MAF: variants seen among roughly 807,000 people sequenced by gnomAD.
MAF encodes the protein MAF bZIP transcription factor.
A neutral mutation model predicts 22.0 loss-of-function variants in MAF; 10 were observed. That is an observed-to-expected ratio of 0.45 (90% CI 0.28 to 0.77). The LOEUF is 0.77. Among genes scored for constraint, MAF ranks in the 30% least tolerant of loss-of-function variants. The pLI, the probability that MAF is intolerant of heterozygous loss-of-function variation, is 0.12. For missense variants in MAF, 544 were observed against 548.4 expected, an observed-to-expected ratio of 0.99 and a Z score of 0.08; for synonymous variants, 337 against 255.8, an observed-to-expected ratio of 1.32 and a Z score of -3.03.
the MAF span, among the ~76,000 whole-genome samples, chr16:79,352,981 A>C: frequency 6.6e-6 from 1 of 152,228 alleles, no homozygotes; most frequent in East Asian, 1.9e-4. Flanking sequence ...AAAATTTGTA[A>C]CTTTTGGCTT....
the MAF span, among the ~76,000 whole-genome samples, chr16:79,283,781 C>T: frequency 2.0e-4 from 30 of 152,068 alleles, no homozygotes; most frequent in Admixed American, 1.6e-3. Context: ...AGAACCTGCA[C>T]GCTGCTTTGG....
At chr16:79,230,162 T>G in the MAF span, among the ~76,000 whole-genome samples, 4 of 152,112 alleles carry the variant, frequency 2.6e-5, no homozygotes, top group African/African-American at 9.6e-5. Context: ...ACATTTCTGG[T>G]TCTTACACAG....
the MAF span, among the ~76,000 whole-genome samples, chr16:79,564,837 T>C: frequency 3.3e-5 from 5 of 152,126 alleles, no homozygotes; most frequent in East Asian, 1.9e-4. Flanking sequence ...CGCCTGACAA[T>C]TGCAGCCTAT....
At chr16:79,550,162 G>A in the MAF span, among the ~76,000 whole-genome samples, 1 of 152,026 alleles carries the variant, frequency 6.6e-6, no homozygotes, top group East Asian at 1.9e-4. Flanking sequence ...ACTCTCCCTA[G>A]TGTTTAATAA....
chr16:79,324,698 G>A, the MAF span, among the ~76,000 whole-genome samples: 194 of 152,270 alleles, frequency 1.3e-3, no homozygotes, highest in Non-Finnish European at 1.8e-3. Flanking sequence ...AGGAGGCACA[G>A]GCGACAGTCA....
the MAF span, among the ~76,000 whole-genome samples, chr16:79,323,319 G>T: frequency 6.6e-6 from 1 of 151,898 alleles, no homozygotes; most frequent in African/African-American, 2.4e-5. Flanking sequence ...GGTGTCCCAG[G>T]GGAGAAAAGA....
the MAF span, among the ~76,000 whole-genome samples, chr16:79,409,834 C>A: frequency 1.3e-5 from 2 of 152,202 alleles, no homozygotes; most frequent in African/African-American, 4.8e-5. Flanking sequence ...TCGATATCTG[C>A]ACTAATCCCA....
chr16:79,271,765 T>G, the MAF span, among the ~76,000 whole-genome samples: 9 of 152,240 alleles, frequency 5.9e-5, no homozygotes, highest in African/African-American at 2.2e-4. Flanking sequence ...TATCCAGGTT[T>G]CTTCCTTGCT....
chr16:79,249,631 G>C, the MAF span, among the ~76,000 whole-genome samples: 1 of 152,154 alleles, frequency 6.6e-6, no homozygotes, highest in African/African-American at 2.4e-5. Flanking sequence ...ATTTGTTCTA[G>C]CAGTCTGAAC....
the MAF span, among the ~76,000 whole-genome samples, chr16:79,521,247 C>T: frequency 2.6e-5 from 4 of 152,166 alleles, no homozygotes; most frequent in African/African-American, 9.7e-5. Flanking sequence ...TTAATAGAAT[C>T]GCAACATATC....
chr16:79,446,387 T>C, the MAF span, among the ~76,000 whole-genome samples: 37 of 152,258 alleles, frequency 2.4e-4, no homozygotes, highest in African/African-American at 8.7e-4. Context: ...TCTGCGTCTC[T>C]GTTTGCCTAG....
chr16:79,260,823 G>A, the MAF span, among the ~76,000 whole-genome samples: 1 of 151,210 alleles, frequency 6.6e-6, no homozygotes, highest in Non-Finnish European at 1.5e-5. Context: ...TGCTTAGAGT[G>A]AGGCCAAATT....
chr16:79,519,667 C>T, the MAF span, among the ~76,000 whole-genome samples: 2 of 152,226 alleles, frequency 1.3e-5, no homozygotes, highest in Non-Finnish European at 2.9e-5. Flanking sequence ...AGCCAGGCGA[C>T]ACTGCTCTCG....
the MAF span, among the ~76,000 whole-genome samples, chr16:79,551,976 AT>A: frequency 1.3e-5 from 2 of 151,418 alleles, no homozygotes; most frequent in Non-Finnish European, 2.9e-5. Context: ...CACAGCTGTG[AT>A]TTTTTTTTAA....
the MAF span, among the ~76,000 whole-genome samples, chr16:79,378,653 A>G: frequency 6.6e-6 from 1 of 152,224 alleles, no homozygotes; most frequent in Non-Finnish European, 1.5e-5. Flanking sequence ...TGACCATTAT[A>G]AACATGTATT....
chr16:79,454,380 G>A, the MAF span, among the ~76,000 whole-genome samples: 277 of 152,272 alleles, frequency 1.8e-3, 1 homozygote, highest in African/African-American at 6.3e-3. Flanking sequence ...AAGGCTACCA[G>A]AAATCCGAGA....
chr16:79,560,549 G>A, the MAF span, among the ~76,000 whole-genome samples: 7 of 151,944 alleles, frequency 4.6e-5, no homozygotes, highest in Non-Finnish European at 7.4e-5. Context: ...CAAGCTAAAG[G>A]CATTTGAGAA....
At chr16:79,525,318 G>C in the MAF span, among the ~76,000 whole-genome samples, 2 of 152,210 alleles carry the variant, frequency 1.3e-5, no homozygotes, top group African/African-American at 4.8e-5. Flanking sequence ...CTTGAGAACA[G>C]TGAATTCCTT....
chr16:79,326,975 G>A, the MAF span, among the ~76,000 whole-genome samples: 66 of 152,268 alleles, frequency 4.3e-4, no homozygotes, highest in Admixed American at 9.2e-4. Flanking sequence ...AGAATACCTT[G>A]CCCAAGGCAA....
Sources: allele counts gnomAD v4.1 joint callset (sites outside exome capture counted in the v4.1 genomes callset), GRCh38; gene constraint gnomAD v4.1.1; transcripts MANE v1.5; gene names NCBI Gene and HGNC (gene_info 2026-07-23, HGNC 2026-07-21).